Variants in RNLS observed in about 807,000 individuals in gnomAD.
RNLS encodes renalase, FAD dependent amine oxidase.
RNLS carries 39 observed loss-of-function variants against 39.8 expected under a neutral mutation model. That is an observed-to-expected ratio of 0.98 (90% CI 0.76 to 1.28). RNLS has a LOEUF of 1.28. Ranked by LOEUF, RNLS falls within the 50% of genes most tolerant of loss-of-function variation. RNLS has a pLI of 0.00. For missense variants in RNLS, 410 were observed against 413.3 expected, an observed-to-expected ratio of 0.99 and a Z score of 0.07; for synonymous variants, 147 against 150.7, an observed-to-expected ratio of 0.98 and a Z score of 0.18.
chr10:88,528,052 G>A (rs1006036049), intron 4 of RNLS, among the ~76,000 whole-genome samples: 4 of 151,894 alleles, frequency 2.6e-5, no homozygotes, highest in African/African-American at 4.8e-5. Context: ...TTAATAAAAT[G>A]TGAGACTGAG....
At chr10:88,490,295 G>C (rs998121085) in intron 4 of RNLS, among the ~76,000 whole-genome samples, 5 of 152,110 alleles carry the variant, frequency 3.3e-5, no homozygotes, top group African/African-American at 1.2e-4. Context: ...TCTTAAAAGA[G>C]GCAAATGTAG....
intron 4 of RNLS, among the ~76,000 whole-genome samples, chr10:88,521,011 TA>T (rs1846690061): frequency 6.6e-6 from 1 of 152,000 alleles, no homozygotes; most frequent in South Asian, 2.1e-4. Flanking sequence ...AAAATGTGCT[TA>T]AAATTTCTTC....
intron 4 of RNLS, among the ~76,000 whole-genome samples, chr10:88,398,497 T>C (rs1852710292): frequency 6.6e-6 from 1 of 151,984 alleles, no homozygotes; most frequent in Non-Finnish European, 1.5e-5. Flanking sequence ...TGGTTTACTA[T>C]ATCTAAGAAT....
intron 5 of RNLS, among the ~76,000 whole-genome samples, chr10:88,327,767 T>C (rs552999060): frequency 2.0e-5 from 3 of 152,260 alleles, no homozygotes; most frequent in South Asian, 2.1e-4. Context: ...TACGTATGTA[T>C]GTATTTTTGT....
chr10:88,340,030 A>C lies in RNLS; in HGVS notation c.700+22522T>G, dbSNP rs184208561. Among the ~76,000 whole-genome samples the C allele has an allele frequency of 8.5e-5, 13 of 152,358 alleles. No individual in the cohort carries two copies. In the South Asian group the frequency reaches 1.0e-3, roughly 12 times the overall value. ...CATTCTCTCCCTACACCTCGTTCTT[A>C]GGACTTGAGACTTCTTTGATTATTC... On this transcript the variant is annotated intron_variant, in intron 5 of 6. Coordinates refer to ENST00000331772, the MANE Select transcript of RNLS (RefSeq NM_001031709.3).
At chr10:88,372,058 C>T (rs1319843934) in intron 4 of RNLS, among the ~76,000 whole-genome samples, 1 of 152,110 alleles carries the variant, frequency 6.6e-6, no homozygotes, top group Non-Finnish European at 1.5e-5. Context: ...TAGATCATGA[C>T]TTTTGTTCCC....
intron 4 of RNLS, among the ~76,000 whole-genome samples, chr10:88,380,363 CTTTTTTTTTTTTTTT>C (rs10565402): frequency 1.4e-5 from 1 of 73,156 alleles, no homozygotes. Flanking sequence ...GGTTTTGTAT[CTTTTTTTTTTTTTTT>C]TTTTTTTTTT....
At chr10:88,212,042 C>A in the RNLS span, among the ~76,000 whole-genome samples, 2 of 152,182 alleles carry the variant, frequency 1.3e-5, no homozygotes, top group Non-Finnish European at 1.5e-5. Flanking sequence ...TCCCATCATA[C>A]ATTTCCCTGC....
rs111891137 is a variant in RNLS at position 88,459,357 on chromosome 10, G to A, written c.527-96632C>T. ...AGGTCCATTAGTGGATAAATTCAGC[G>A]TTCACTCAAGAGACCATGCCACAAG... On this transcript the variant is annotated intron_variant, in intron 4 of 6. Transcript: ENST00000331772. Among the ~76,000 whole-genome samples the A allele has an allele frequency of 2.4e-3, 359 of 152,106 alleles. 1 individual carries two copies. Among genetic ancestry groups the A allele is most frequent in the Non-Finnish European group, 4.1e-3 (281 of 68,000 alleles).
At chr10:88,444,969 T>C (rs4509673) in intron 4 of RNLS, among the ~76,000 whole-genome samples, 106,332 of 151,922 alleles carry the variant, frequency 0.7, 38,098 homozygotes, top group African/African-American at 0.86. Context: ...ATACAGAGAA[T>C]GCCATAAAGA....
At chr10:88,471,181 G>A (rs1369016219) in intron 4 of RNLS, among the ~76,000 whole-genome samples, 1 of 152,094 alleles carries the variant, frequency 6.6e-6, no homozygotes, top group Non-Finnish European at 1.5e-5. Context: ...AGTACATGGA[G>A]CTATATCAAT....
intron 4 of RNLS, among the ~76,000 whole-genome samples, chr10:88,474,785 T>C (rs1485869174): frequency 6.6e-6 from 1 of 152,132 alleles, no homozygotes; most frequent in Admixed American, 6.6e-5. Flanking sequence ...GAGGATTCAA[T>C]GAAGTAACAT....
Position 88,406,331 on chromosome 10 carries a change from G to A in RNLS, c.527-43606C>T, listed in dbSNP as rs576142953. The stretch of plus-strand genomic sequence containing the variant: ...CCCAAATATGTTTTCTAAGCTTTTA[G>A]AATTCTCTTCTTCCTCAGGAACATT... On this transcript the variant is annotated intron_variant, in intron 4 of 6. Transcript: ENST00000331772. Among the ~76,000 whole-genome samples, 21 of 152,154 alleles carry A rather than the reference G, an allele frequency of 1.4e-4. No homozygotes were observed. The South Asian group carries it at 4.4e-3, about 32-fold the overall frequency.
intron 6 of RNLS, among the ~76,000 whole-genome samples, chr10:88,303,809 A>C (rs1361616316): frequency 6.6e-6 from 1 of 152,178 alleles, no homozygotes; most frequent in Non-Finnish European, 1.5e-5. Context: ...TGCAAAGAGA[A>C]GGCACCCAGA....
At chr10:88,565,609 C>A (rs1221524491) in intron 4 of RNLS, among the ~76,000 whole-genome samples, 2 of 151,822 alleles carry the variant, frequency 1.3e-5, no homozygotes, top group Non-Finnish European at 2.9e-5. Flanking sequence ...TCAAATATAC[C>A]AAGTCAATTA....
At chr10:88,331,053 G>T (rs947137111) in intron 5 of RNLS, among the ~76,000 whole-genome samples, 1 of 152,036 alleles carries the variant, frequency 6.6e-6, no homozygotes, top group African/African-American at 2.4e-5. Flanking sequence ...AATTAACTTA[G>T]GTATTCTTTT....
the RNLS span, among the ~76,000 whole-genome samples, chr10:88,213,704 A>C: frequency 6.6e-6 from 1 of 152,210 alleles, no homozygotes; most frequent in South Asian, 2.1e-4. Flanking sequence ...TTGTTTGGTC[A>C]GTTATTTTTA....
the RNLS span, among the ~76,000 whole-genome samples, chr10:88,251,639 A>G: frequency 6.6e-6 from 1 of 152,230 alleles, no homozygotes; most frequent in Non-Finnish European, 1.5e-5. Context: ...AAAGTCTGCA[A>G]TTCACCAAAA....
chr10:88,326,170 A>G (rs1408419305), intron 5 of RNLS, among the ~76,000 whole-genome samples: 1 of 152,216 alleles, frequency 6.6e-6, no homozygotes, highest in Non-Finnish European at 1.5e-5. Flanking sequence ...TTGATACAAA[A>G]ATACCTGAAA....
Sources: gnomAD v4.1 joint callset for allele counts (sites outside exome capture counted in the v4.1 genomes callset) on GRCh38, gnomAD v4.1.1 for gene constraint, MANE v1.5 for transcripts, NCBI Gene and HGNC (gene_info 2026-07-23, HGNC 2026-07-21) for gene names.